The following HTR1F variants were observed in gnomAD, a reference collection of about 807,000 sequenced individuals.
The protein encoded by HTR1F is 5-hydroxytryptamine receptor 1F, also known as 5-hydroxytryptamine (serotonin) receptor 1F, G protein-coupled.
A neutral mutation model predicts 24.0 loss-of-function variants in HTR1F; 17 were observed. The ratio of observed to expected loss-of-function variants is 0.71; its 90% confidence interval spans 0.48 to 1.06. HTR1F has a LOEUF of 1.06. Ranked by LOEUF, HTR1F falls within the 50% of genes least tolerant of loss-of-function variation. HTR1F has a pLI of 0.00. For missense variants in HTR1F, 391 were observed against 427.8 expected, an observed-to-expected ratio of 0.91 and a Z score of 0.76; for synonymous variants, 186 against 156.8, an observed-to-expected ratio of 1.19 and a Z score of -1.39.
intron 2 of HTR1F, among the ~76,000 whole-genome samples, chr3:87,825,001 A>G (rs1704434743): frequency 6.6e-6 from 1 of 152,220 alleles, no homozygotes; most frequent in Non-Finnish European, 1.5e-5. Flanking sequence ...AATGATATTC[A>G]GACTTGATAA....
chr3:87,981,326 C>A (rs1389599997), intron 2 of HTR1F, among the ~76,000 whole-genome samples: 1 of 152,170 alleles, frequency 6.6e-6, no homozygotes, highest in African/African-American at 2.4e-5. Flanking sequence ...TCCTGAGTAG[C>A]TGGGACTACA....
intron 2 of HTR1F, among the ~76,000 whole-genome samples, chr3:87,884,694 G>A (rs1356922849): frequency 1.3e-5 from 2 of 152,076 alleles, no homozygotes; most frequent in Non-Finnish European, 2.9e-5. Flanking sequence ...AGCAGAGATT[G>A]CAATCGTAGT....
chr3:87,986,760 A>G (rs1356114979), intron 2 of HTR1F, among the ~76,000 whole-genome samples: 15 of 152,208 alleles, frequency 9.9e-5, no homozygotes, highest in Non-Finnish European at 1.5e-5. Context: ...ATTTTTGCTC[A>G]TATTATGAAA....
At chr3:87,914,488 C>T (rs1434796160) in intron 2 of HTR1F, among the ~76,000 whole-genome samples, 2 of 152,070 alleles carry the variant, frequency 1.3e-5, no homozygotes, top group African/African-American at 2.4e-5. Context: ...CAGAAACACA[C>T]AGTGCTGTTA....
At chr3:87,917,906 G>A (rs1037642008) in intron 2 of HTR1F, among the ~76,000 whole-genome samples, 4 of 151,824 alleles carry the variant, frequency 2.6e-5, no homozygotes, top group South Asian at 4.2e-4. Flanking sequence ...AACCAGTAAA[G>A]GACATAACCA....
intron 2 of HTR1F, among the ~76,000 whole-genome samples, chr3:87,937,591 A>C (rs113440439): frequency 0.032 from 4,883 of 152,222 alleles, 239 homozygotes; most frequent in African/African-American, 0.11. Flanking sequence ...CTGCTATTCA[A>C]CATAGTACTG....
intron 2 of HTR1F, among the ~76,000 whole-genome samples, chr3:87,922,158 T>A (rs965473725): frequency 5.3e-5 from 8 of 151,944 alleles, no homozygotes; most frequent in South Asian, 2.1e-4. Context: ...TGTATAAGAG[T>A]TTCCCTTTCT....
rs1160925568 is a variant in HTR1F, at chr3:87,930,253, C to T, written c.-42-60455C>T. 1.2e-4 allele frequency among the ~76,000 whole-genome samples: 18 copies of T among 152,124 alleles called. 1 individual carries two copies. On this transcript the variant is annotated intron_variant, in intron 2 of 2. Coordinates refer to ENST00000319595, the MANE Select transcript of HTR1F (RefSeq NM_001322209.2). ...AAACAGTGATAGTTTGACTTCCTGT[C>T]TTCCTATTTGATGCCCTCTGTTTCT...
chr3:87,868,816 T>A (rs1575966233), intron 2 of HTR1F, among the ~76,000 whole-genome samples: 1 of 152,008 alleles, frequency 6.6e-6, no homozygotes, highest in Admixed American at 6.6e-5. Flanking sequence ...GTTAGCTTAA[T>A]TGCACTGGGT....
intron 2 of HTR1F, among the ~76,000 whole-genome samples, chr3:87,943,012 G>C (rs1233459151): frequency 6.6e-6 from 1 of 152,180 alleles, no homozygotes; most frequent in Non-Finnish European, 1.5e-5. Flanking sequence ...TCCTTGCCCT[G>C]TGTTATAGTG....
chr3:87,956,762 A>T (rs1471489184), intron 2 of HTR1F, among the ~76,000 whole-genome samples: 2 of 151,358 alleles, frequency 1.3e-5, no homozygotes, highest in Non-Finnish European at 3.0e-5. Context: ...ACTTTTTAAA[A>T]ATTCATTTAC....
At chr3:87,941,995 C>T (rs1299446997) in intron 2 of HTR1F, among the ~76,000 whole-genome samples, 3 of 152,048 alleles carry the variant, frequency 2.0e-5, no homozygotes, top group Non-Finnish European at 2.9e-5. Flanking sequence ...TAAGGGGGTA[C>T]TGCCTTTGGT....
intron 2 of HTR1F, among the ~76,000 whole-genome samples, chr3:87,882,496 G>T (rs543041280): frequency 0.012 from 1,877 of 152,116 alleles, 34 homozygotes; most frequent in African/African-American, 0.042. Context: ...AGAAAATGTG[G>T]CACATATACA....
intron 2 of HTR1F, among the ~76,000 whole-genome samples, chr3:87,934,670 T>C (rs1027493928): frequency 4.6e-5 from 7 of 152,182 alleles, no homozygotes; most frequent in African/African-American, 1.7e-4. Context: ...CAACAATCAC[T>C]TCCAGGCAAA....
intron 2 of HTR1F, among the ~76,000 whole-genome samples, chr3:87,962,717 A>G (rs1484026222): frequency 1.3e-5 from 2 of 152,058 alleles, no homozygotes; most frequent in African/African-American, 2.4e-5. Flanking sequence ...AGTTTTATAT[A>G]TACAGAATCT....
At chr3:87,809,625 C>T (rs192421390) in intron 1 of HTR1F, among the ~76,000 whole-genome samples, 2 of 152,036 alleles carry the variant, frequency 1.3e-5, no homozygotes, top group East Asian at 3.9e-4. Flanking sequence ...ATTCAGCATT[C>T]CATATTCTTA....
intron 2 of HTR1F, among the ~76,000 whole-genome samples, chr3:87,916,917 T>G (rs1703907447): frequency 6.6e-6 from 1 of 152,094 alleles, no homozygotes; most frequent in Admixed American, 6.6e-5. Flanking sequence ...ACACATTCTA[T>G]TCAACAGCAC....
intron 2 of HTR1F, among the ~76,000 whole-genome samples, chr3:87,823,495 G>A (rs1704400184): frequency 6.7e-6 from 1 of 150,284 alleles, no homozygotes; most frequent in Admixed American, 6.6e-5. Flanking sequence ...TCTCCACTCA[G>A]GTTTTCTCAA....
intron 2 of HTR1F, among the ~76,000 whole-genome samples, chr3:87,851,771 A>G (rs1705091091): frequency 1.3e-5 from 2 of 151,746 alleles, no homozygotes; most frequent in African/African-American, 4.8e-5. Context: ...AGGCCTAACC[A>G]TATGTATTTT....
Sources: allele counts gnomAD v4.1 joint callset (sites outside exome capture counted in the v4.1 genomes callset), GRCh38; gene constraint gnomAD v4.1.1; transcripts MANE v1.5; gene names NCBI Gene and HGNC (gene_info 2026-07-23, HGNC 2026-07-21).